ADGRB3: variants seen among roughly 807,000 people sequenced by gnomAD.
The protein encoded by ADGRB3 is brain-specific angiogenesis inhibitor 3.
In ADGRB3, 37 loss-of-function variants were observed where a neutral mutation model predicts 193.4. The observed-to-expected ratio is 0.19, with a 90% CI of 0.15 to 0.25. ADGRB3 has a LOEUF of 0.25. ADGRB3 is among the 10% of genes least tolerant of loss of function. The probability of loss-of-function intolerance (pLI) is 1.00; values close to 1 mark genes in which losing one functional copy is unlikely to be tolerated. For synonymous variants in ADGRB3, 690 were observed against 644.2 expected, an observed-to-expected ratio of 1.07 and a Z score of -1.08; for missense variants, 1,637 against 1,852.9, an observed-to-expected ratio of 0.88 and a Z score of 2.14.
Position 69,157,797 on chromosome 6 carries a change from A to G in ADGRB3, c.2481-75493A>G, listed in dbSNP as rs534191860. Among the ~76,000 whole-genome samples, 4 of 152,246 alleles carry G rather than the reference A, an allele frequency of 2.6e-5. No individual in the cohort carries two copies. In the East Asian group the frequency reaches 7.7e-4, roughly 29 times the overall value. On this transcript the variant is annotated intron_variant, in intron 17 of 31. Transcript: ENST00000370598. ...GAAATTGATGGTTAGAATGGTGGCA[A>G]CCAACTTATGACAATAAAAGAAGTC...
intron 30 of ADGRB3, among the ~76,000 whole-genome samples, chr6:69,382,560 G>A (rs775290310): frequency 3.3e-5 from 5 of 151,856 alleles, no homozygotes; most frequent in Non-Finnish European, 7.4e-5. Context: ...ATCTTACTCA[G>A]AAATGACTGG....
At chr6:69,226,665 A>T (rs1512231) in intron 17 of ADGRB3, among the ~76,000 whole-genome samples, 6 of 152,122 alleles carry the variant, frequency 3.9e-5, no homozygotes, top group African/African-American at 1.2e-4. Flanking sequence ...AACAACCATT[A>T]TTATTTGATT....
Position 68,682,842 on chromosome 6 carries a change from A to G in ADGRB3, c.757+43410A>G, listed in dbSNP as rs989234375. 6.6e-5 allele frequency among the ~76,000 whole-genome samples: 10 copies of G among 151,732 alleles called. 1 individual carries two copies. Among genetic ancestry groups the G allele is most frequent in the Middle Eastern group, 3.2e-3 (1 of 316 alleles). ...GCCCAGGCTGGAGTGTTGTGGCACA[A>G]TCTCAGCTCACTGCAACCTCTGCTT... On this transcript the variant is annotated intron_variant, in intron 3 of 31. Coordinates refer to ENST00000370598, the MANE Select transcript of ADGRB3 (RefSeq NM_001704.3).
At chr6:68,753,541 A>G (rs1251202232) in intron 3 of ADGRB3, among the ~76,000 whole-genome samples, 1 of 152,120 alleles carries the variant, frequency 6.6e-6, no homozygotes, top group East Asian at 1.9e-4. Context: ...CGCACTATGT[A>G]ACAGGAAGGT....
chr6:69,221,328 G>T (rs1214635421), intron 17 of ADGRB3, among the ~76,000 whole-genome samples: 1 of 152,066 alleles, frequency 6.6e-6, no homozygotes. Context: ...TTCATTTAAA[G>T]ACACTCCTTC....
At chr6:68,923,259 TA>T (rs1220025837) in intron 3 of ADGRB3, among the ~76,000 whole-genome samples, 8 of 152,060 alleles carry the variant, frequency 5.3e-5, no homozygotes, top group African/African-American at 1.9e-4. Context: ...AAAGCATTTT[TA>T]TATCAATATA....
intron 24 of ADGRB3, 149 bp from the exon 25 acceptor site, chr6:69,338,767 T>A: frequency 1.5e-6 from 1 of 677,004 alleles, no homozygotes; most frequent in Non-Finnish European, 2.6e-6. Context: ...GTAGTATAAA[T>A]GCATCTTTAC....
chr6:68,856,627 A>G (rs1448412869), intron 3 of ADGRB3, among the ~76,000 whole-genome samples: 1 of 152,226 alleles, frequency 6.6e-6, no homozygotes, highest in East Asian at 1.9e-4. Context: ...AAAGCATTCA[A>G]TAGGTGACTT....
chr6:68,841,111 A>ATTG (rs1768151220), intron 3 of ADGRB3, among the ~76,000 whole-genome samples: 1 of 152,166 alleles, frequency 6.6e-6, no homozygotes. Context: ...AACAAATATT[A>ATTG]TTAGAACTAA....
intron 3 of ADGRB3, among the ~76,000 whole-genome samples, chr6:68,884,581 T>C (rs1765849012): frequency 1.3e-5 from 2 of 152,084 alleles, no homozygotes; most frequent in Admixed American, 6.5e-5. Context: ...GGACATGGTC[T>C]GAGATGAGGT....
intron 17 of ADGRB3, among the ~76,000 whole-genome samples, chr6:69,228,340 T>C (rs530420843): frequency 6.6e-6 from 1 of 152,288 alleles, no homozygotes; most frequent in Admixed American, 6.5e-5. Flanking sequence ...GGATTCAAAG[T>C]CGACATAATA....
intron 15 of ADGRB3, among the ~76,000 whole-genome samples, chr6:69,052,168 A>G (rs985621135): frequency 9.9e-5 from 15 of 152,182 alleles, no homozygotes; most frequent in Admixed American, 2.6e-4. Flanking sequence ...GATTGCAGGC[A>G]TGAGCCACCG....
At chr6:68,815,287 C>A (rs1269683150) in intron 3 of ADGRB3, among the ~76,000 whole-genome samples, 1 of 152,114 alleles carries the variant, frequency 6.6e-6, no homozygotes, top group Non-Finnish European at 1.5e-5. Flanking sequence ...TTATAGTACT[C>A]ACAAACTAAA....
intron 20 of ADGRB3, among the ~76,000 whole-genome samples, chr6:69,294,951 A>T (rs774967855): frequency 6.6e-6 from 1 of 152,166 alleles, no homozygotes; most frequent in Non-Finnish European, 1.5e-5. Context: ...CATGGATAAC[A>T]TCATTACTGA....
At chr6:68,798,949 C>A (rs1256201227) in intron 3 of ADGRB3, among the ~76,000 whole-genome samples, 2 of 152,038 alleles carry the variant, frequency 1.3e-5, no homozygotes, top group Non-Finnish European at 2.9e-5. Context: ...AGGACCCTGG[C>A]AAGGTTATGG....
intron 3 of ADGRB3, among the ~76,000 whole-genome samples, chr6:68,796,942 AT>A (rs1562033692): frequency 1.3e-5 from 2 of 152,138 alleles, no homozygotes; most frequent in African/African-American, 4.8e-5. Flanking sequence ...TGGTAAAGCT[AT>A]TTGAAAATGC....
intron 24 of ADGRB3, among the ~76,000 whole-genome samples, chr6:69,338,305 T>G (rs1768895400): frequency 6.6e-6 from 1 of 152,220 alleles, no homozygotes; most frequent in Non-Finnish European, 1.5e-5. Flanking sequence ...ACTCTTTTAT[T>G]ATCAACTAAT....
intron 17 of ADGRB3, among the ~76,000 whole-genome samples, chr6:69,206,496 C>A (rs745505005): frequency 6.6e-6 from 1 of 152,114 alleles, no homozygotes; most frequent in Non-Finnish European, 1.5e-5. Context: ...CCCATACACA[C>A]CTCCTGAGAT....
Position 68,761,670 on chromosome 6 carries a change from C to T in ADGRB3, c.757+122238C>T, listed in dbSNP as rs548691693. On this transcript the variant is annotated intron_variant, in intron 3 of 31. Coordinates refer to ENST00000370598, the MANE Select transcript of ADGRB3 (RefSeq NM_001704.3). ...TACATAAACCTGTTTTCTCATGCCC[C>T]GTTTCTTTAGATTCTGCTTTTTTGT... Among the ~76,000 whole-genome samples, 4 of 151,484 alleles carry T rather than the reference C, an allele frequency of 2.6e-5. No individual in the cohort carries two copies. In the South Asian group the frequency reaches 8.3e-4, roughly 31 times the overall value.
Sources: allele counts gnomAD v4.1 joint callset (sites outside exome capture counted in the v4.1 genomes callset), GRCh38; gene constraint gnomAD v4.1.1; transcripts MANE v1.5; gene names NCBI Gene and HGNC (gene_info 2026-07-23, HGNC 2026-07-21).